The following DMRT1 variants were observed in gnomAD, a reference collection of about 807,000 sequenced individuals.
DMRT1 encodes the protein doublesex- and mab-3-related transcription factor 1.
Under a neutral mutation model 32.3 loss-of-function variants are expected in DMRT1, and 7 were observed. The observed-to-expected ratio is 0.22, with a 90% CI of 0.12 to 0.41. The LOEUF (loss-of-function observed/expected upper bound fraction) is 0.41. Ranked by LOEUF, DMRT1 falls within the 10% of genes least tolerant of loss-of-function variation. The pLI, the probability that DMRT1 is intolerant of heterozygous loss-of-function variation, is 1.00. For missense variants in DMRT1, 625 were observed against 500.5 expected (o/e 1.25, Z -2.37); for synonymous variants, 278 against 206.1 (o/e 1.35, Z -2.99).
At chr9:892,494 C>T (rs1817190450) in intron 2 of DMRT1, among the ~76,000 whole-genome samples, 1 of 152,160 alleles carries the variant, frequency 6.6e-6, no homozygotes, top group African/African-American at 2.4e-5. Context: ...CTGGCAGCCC[C>T]TCAGCCCTCC....
chr9:863,553 A>G (rs1031753866), intron 2 of DMRT1, among the ~76,000 whole-genome samples: 8 of 152,174 alleles, frequency 5.3e-5, no homozygotes, highest in African/African-American at 1.7e-4. Context: ...ACCTAGTCCT[A>G]CTAACACACA....
At chr9:947,054 C>T (rs998729701) in intron 4 of DMRT1, among the ~76,000 whole-genome samples, 6 of 152,174 alleles carry the variant, frequency 3.9e-5, no homozygotes, top group African/African-American at 9.6e-5. Flanking sequence ...GCTGTCATTA[C>T]GTCACTTGAA....
At chr9:849,605 G>A (rs1839051544) in intron 2 of DMRT1, among the ~76,000 whole-genome samples, 1 of 152,208 alleles carries the variant, frequency 6.6e-6, no homozygotes, top group Non-Finnish European at 1.5e-5. Flanking sequence ...AGCAGTAGGG[G>A]GGCAAGATAG....
At position 905,473 on chromosome 9, in the gene DMRT1, C is replaced by CGTGTGTGTGT. The variant is rs745430195; in HGVS notation, c.822+11278_822+11279insGTGTGTGTGT. On this transcript the variant is annotated intron_variant, in intron 3 of 4. Transcript: ENST00000382276. Reference sequence around the variant, plus strand: ...TTCGCTGTCTCCTCACTCCCTTGCCCCTGTGTGTGTGTGTCTGTGTGTGTG... The same window carrying CGTGTGTGTGT: ...TTCGCTGTCTCCTCACTCCCTTGCCCGTGTGTGTGTCTGTGTGTGTGTGTCTGTGTGTGTG... Among the ~76,000 whole-genome samples, 75 of 143,588 alleles carry CGTGTGTGTGT rather than the reference C, an allele frequency of 5.2e-4. 1 individual carries two copies. The highest frequency in any genetic ancestry group is 7.5e-4 in the African/African-American group (27 of 35,974). The allele number at this position is 143,588 out of a possible 152,430, so 94.2% of individuals were successfully genotyped here. A position where few individuals can be genotyped will look rare whatever the true frequency, so the allele number is the denominator to read the frequency against.
intron 2 of DMRT1, among the ~76,000 whole-genome samples, chr9:848,988 G>T (rs1589444715): frequency 6.6e-6 from 1 of 150,416 alleles, no homozygotes; most frequent in East Asian, 1.9e-4. Context: ...TTCAGCTGTG[G>T]GGCTGAGATG....
chr9:851,181 A>G (rs1466565570), intron 2 of DMRT1, among the ~76,000 whole-genome samples: 5 of 152,164 alleles, frequency 3.3e-5, no homozygotes, highest in Non-Finnish European at 5.9e-5. Context: ...CTACTTTCTA[A>G]TACCTGATGT....
chr9:915,652 A>G (rs1176626793), intron 3 of DMRT1, among the ~76,000 whole-genome samples: 4 of 152,140 alleles, frequency 2.6e-5, no homozygotes, highest in Admixed American at 6.5e-5. Flanking sequence ...AGGATCCAGC[A>G]TGGCATTGTG....
At chr9:879,930 C>A (rs1198669265) in intron 2 of DMRT1, among the ~76,000 whole-genome samples, 1 of 152,214 alleles carries the variant, frequency 6.6e-6, no homozygotes, top group Non-Finnish European at 1.5e-5. Context: ...TTCATTAATA[C>A]TACTGCTGAT....
At chr9:855,924 AT>A (rs145281170) in intron 2 of DMRT1, among the ~76,000 whole-genome samples, 1 of 146,970 alleles carries the variant, frequency 6.8e-6, no homozygotes, top group Admixed American at 6.8e-5. Flanking sequence ...TGACCTCTGA[AT>A]TTTTTTTTTG....
At position 883,620 on chromosome 9, in the gene DMRT1, G is replaced by C. The variant is rs1312591384; in HGVS notation, c.539-10292G>C. Among the ~76,000 whole-genome samples the C allele has an allele frequency of 4.1e-5, 6 of 147,058 alleles. No individual in the cohort carries two copies. The South Asian group carries it at 1.1e-3, about 27-fold the overall frequency. Reference sequence around the variant, plus strand: ...AGCCTGGGCAACATAGCCTGACCCTGTCTCTACAAAAAAAAAAAAAAAATT... The same window carrying C: ...AGCCTGGGCAACATAGCCTGACCCTCTCTCTACAAAAAAAAAAAAAAAATT... On this transcript the variant is annotated intron_variant, in intron 2 of 4. Coordinates refer to ENST00000382276, the MANE Select transcript of DMRT1 (RefSeq NM_021951.3).
At chr9:876,120 G>A (rs997082154) in intron 2 of DMRT1, among the ~76,000 whole-genome samples, 2 of 152,164 alleles carry the variant, frequency 1.3e-5, no homozygotes, top group Admixed American at 1.3e-4. Context: ...ATTGAGAGCT[G>A]GGTGACAGGT....
At chr9:934,815 T>G (rs891555373) in intron 4 of DMRT1, among the ~76,000 whole-genome samples, 12 of 152,176 alleles carry the variant, frequency 7.9e-5, no homozygotes, top group Admixed American at 7.9e-4. Flanking sequence ...TTTTGACACT[T>G]TCGATGACTG....
chr9:930,223 G>GT (rs1226270535), intron 4 of DMRT1, among the ~76,000 whole-genome samples: 1 of 151,980 alleles, frequency 6.6e-6, no homozygotes, highest in Admixed American at 6.5e-5. Context: ...CTATTTGTTT[G>GT]TTTTTTTAGA....
intron 4 of DMRT1, among the ~76,000 whole-genome samples, chr9:922,435 G>A (rs1358393471): frequency 6.6e-6 from 1 of 151,996 alleles, no homozygotes; most frequent in Admixed American, 6.6e-5. Flanking sequence ...TTCCCCAGCT[G>A]GTGATGAAGA....
chr9:890,919 G>T (rs547505646), intron 2 of DMRT1, among the ~76,000 whole-genome samples: 4 of 151,474 alleles, frequency 2.6e-5, no homozygotes, highest in African/African-American at 4.9e-5. Flanking sequence ...TAGTGGAGAC[G>T]GGGTTTCACC....
intron 4 of DMRT1, among the ~76,000 whole-genome samples, chr9:931,509 AG>A (rs777237630): frequency 2.6e-5 from 4 of 152,242 alleles, no homozygotes; most frequent in Non-Finnish European, 5.9e-5. Context: ...AAAAAGGCAC[AG>A]ACTAGGTGGC....
chr9:967,449 T>C (rs1348530814), intron 4 of DMRT1, among the ~76,000 whole-genome samples: 2 of 152,264 alleles, frequency 1.3e-5, no homozygotes, highest in Non-Finnish European at 2.9e-5. Flanking sequence ...AAAAGTTATG[T>C]ATGCTGACAT....
At chr9:895,592 T>C (rs888917202) in intron 3 of DMRT1, among the ~76,000 whole-genome samples, 2 of 152,174 alleles carry the variant, frequency 1.3e-5, no homozygotes, top group African/African-American at 4.8e-5. Flanking sequence ...TGTGATGATT[T>C]GATATATGTG....
At chr9:862,497 C>G (rs1189534812) in intron 2 of DMRT1, among the ~76,000 whole-genome samples, 1 of 103,706 alleles carries the variant, frequency 9.6e-6, no homozygotes, top group African/African-American at 3.8e-5. Flanking sequence ...AAAGGGGAGA[C>G]GAGGACCGTG....
Sources: allele counts gnomAD v4.1 joint callset (sites outside exome capture counted in the v4.1 genomes callset), GRCh38; gene constraint gnomAD v4.1.1; transcripts MANE v1.5; gene names NCBI Gene and HGNC (gene_info 2026-07-23, HGNC 2026-07-21).